Variants in ZNF385D observed in about 807,000 individuals in gnomAD.
ZNF385D encodes zinc finger protein 385D, also known as zinc finger protein 659.
ZNF385D carries 15 observed loss-of-function variants against 35.8 expected under a neutral mutation model. That is an observed-to-expected ratio of 0.42 (90% CI 0.28 to 0.64). The LOEUF is 0.64. Ranked by LOEUF, ZNF385D falls within the 30% of genes least tolerant of loss-of-function variation. The pLI is 0.23. For missense variants in ZNF385D, 474 were observed against 494.6 expected (o/e 0.96, Z 0.39); for synonymous variants, 212 against 186.8 (o/e 1.13, Z -1.10).
chr3:21,503,721 G>T (rs949511021), intron 4 of ZNF385D, among the ~76,000 whole-genome samples: 1 of 152,058 alleles, frequency 6.6e-6, no homozygotes, highest in Admixed American at 6.6e-5. Context: ...AGGTGTATTT[G>T]TTTTCAATCA....
At chr3:21,812,476 A>G (rs945892684) in intron 3 of ZNF385D, among the ~76,000 whole-genome samples, 1 of 152,248 alleles carries the variant, frequency 6.6e-6, no homozygotes, top group Admixed American at 6.5e-5. Flanking sequence ...CGCTACCTGG[A>G]AAACTGGGAC....
intron 1 of ZNF385D, among the ~76,000 whole-genome samples, chr3:21,701,505 C>A (rs1356329133): frequency 2.0e-5 from 3 of 152,198 alleles, no homozygotes; most frequent in South Asian, 4.1e-4. Context: ...ACAGCAAAAT[C>A]ATATCATTCC....
chr3:21,815,498 A>G (rs1485947272), intron 3 of ZNF385D, among the ~76,000 whole-genome samples: 1 of 152,260 alleles, frequency 6.6e-6, no homozygotes, highest in Non-Finnish European at 1.5e-5. Flanking sequence ...TAAAGGGGAT[A>G]TCACCACTGA....
chr3:21,538,408 A>T (rs529796794), intron 3 of ZNF385D, among the ~76,000 whole-genome samples: 1 of 152,148 alleles, frequency 6.6e-6, no homozygotes, highest in East Asian at 1.9e-4. Flanking sequence ...TCTTCATGAG[A>T]TAGGATAGGT....
intron 3 of ZNF385D, among the ~76,000 whole-genome samples, chr3:21,924,509 A>C (rs1279701170): frequency 4.6e-5 from 7 of 152,326 alleles, no homozygotes; most frequent in Non-Finnish European, 7.4e-5. Flanking sequence ...AAACACCCTC[A>C]AAAAATTGTG....
intron 4 of ZNF385D, among the ~76,000 whole-genome samples, chr3:21,488,674 A>G (rs1270990401): frequency 6.6e-6 from 1 of 152,002 alleles, no homozygotes; most frequent in East Asian, 1.9e-4. Flanking sequence ...CTGTCCATCC[A>G]TTGTAATAGC....
intron 3 of ZNF385D, among the ~76,000 whole-genome samples, chr3:22,036,502 A>T (rs1698327822): frequency 1.3e-5 from 2 of 152,140 alleles, no homozygotes; most frequent in African/African-American, 4.8e-5. Flanking sequence ...GAAAATACTT[A>T]ACTGAGAAAG....
intron 2 of ZNF385D, among the ~76,000 whole-genome samples, chr3:22,353,586 C>T (rs966601480): frequency 1.3e-5 from 2 of 152,046 alleles, no homozygotes; most frequent in Non-Finnish European, 2.9e-5. Flanking sequence ...AGCACTATCC[C>T]CCCTTCCTTG....
intron 4 of ZNF385D, among the ~76,000 whole-genome samples, chr3:21,472,026 A>C (rs1358461643): frequency 6.6e-6 from 1 of 152,176 alleles, no homozygotes; most frequent in Non-Finnish European, 1.5e-5. Flanking sequence ...CTTGAAATAC[A>C]TTCAACACAG....
At chr3:21,939,496 A>G (rs979643657) in intron 3 of ZNF385D, among the ~76,000 whole-genome samples, 2 of 152,116 alleles carry the variant, frequency 1.3e-5, no homozygotes, top group Admixed American at 6.6e-5. Context: ...ACCATCCACC[A>G]ATTATATATT....
chr3:22,084,771 A>G (rs905900613), intron 3 of ZNF385D, among the ~76,000 whole-genome samples: 3 of 152,212 alleles, frequency 2.0e-5, no homozygotes, highest in African/African-American at 7.2e-5. Context: ...AACAGAATAT[A>G]CATTCTTCTC....
At chr3:22,078,035 C>A (rs1002560639) in intron 3 of ZNF385D, among the ~76,000 whole-genome samples, 1 of 151,968 alleles carries the variant, frequency 6.6e-6, no homozygotes, top group Non-Finnish European at 1.5e-5. Context: ...GATTTCAAAA[C>A]TGAAGACAAT....
At chr3:22,337,241 A>C (rs557327612) in intron 2 of ZNF385D, among the ~76,000 whole-genome samples, 2 of 152,132 alleles carry the variant, frequency 1.3e-5, no homozygotes, top group Admixed American at 1.3e-4. Flanking sequence ...AAATGCAGTT[A>C]AGATGCTTGG....
At position 22,099,907 on chromosome 3, in the gene ZNF385D, C is replaced by T. The variant is rs1484340580; in HGVS notation, c.325+68910G>A. The stretch of plus-strand genomic sequence containing the variant: ...CCAAAGAACTGAGATCCTGGTAAAA[C>T]CTTTATCAAAAATGTCAGGATTAAG... On this transcript the variant is annotated intron_variant, in intron 3 of 5. Coordinates refer to the ZNF385D transcript ENST00000494108. Among the ~76,000 whole-genome samples, 4 of 68,412 alleles carry T rather than the reference C, an allele frequency of 5.8e-5. No individual in the cohort carries two copies. In the East Asian group the frequency reaches 8.9e-4, roughly 15 times the overall value. 44.9% of individuals were successfully genotyped at this position (68,412 alleles called of 152,430 possible).
chr3:22,356,655 C>T (rs1381399744), intron 2 of ZNF385D, among the ~76,000 whole-genome samples: 2 of 151,846 alleles, frequency 1.3e-5, no homozygotes, highest in African/African-American at 2.4e-5. Context: ...ACATAGAATG[C>T]AAAGTGTTAT....
At chr3:22,347,807 CA>C (rs1042402546) in intron 2 of ZNF385D, among the ~76,000 whole-genome samples, 1 of 151,516 alleles carries the variant, frequency 6.6e-6, no homozygotes, top group Non-Finnish European at 1.5e-5. Context: ...ATAGTCTCTC[CA>C]AAAAAAACCT....
chr3:21,822,709 A>C (rs1204788757), intron 3 of ZNF385D, among the ~76,000 whole-genome samples: 1 of 152,206 alleles, frequency 6.6e-6, no homozygotes, highest in Non-Finnish European at 1.5e-5. Flanking sequence ...ACCAGTTTAA[A>C]TAACTGTGGA....
intron 3 of ZNF385D, among the ~76,000 whole-genome samples, chr3:21,524,670 T>C (rs1708118821): frequency 6.6e-6 from 1 of 152,160 alleles, no homozygotes; most frequent in Non-Finnish European, 1.5e-5. Flanking sequence ...AGGGGATTCG[T>C]AAAGTCCAAC....
At chr3:21,791,543 A>G (rs543442868) in intron 3 of ZNF385D, among the ~76,000 whole-genome samples, 175 of 152,338 alleles carry the variant, frequency 1.1e-3, no homozygotes, top group Non-Finnish European at 1.6e-3. Flanking sequence ...CTTTGGAGAC[A>G]AAAGTCTGAA....
Sources: allele counts gnomAD v4.1 joint callset (sites outside exome capture counted in the v4.1 genomes callset), GRCh38; gene constraint gnomAD v4.1.1; transcripts MANE v1.5; gene names NCBI Gene and HGNC (gene_info 2026-07-23, HGNC 2026-07-21).